Variants in MSANTD4 observed in about 807,000 individuals in gnomAD.
MSANTD4 encodes myb/SANT-like DNA-binding domain-containing protein 4.
A neutral mutation model predicts 34.3 loss-of-function variants in MSANTD4; 13 were observed. The ratio of observed to expected loss-of-function variants is 0.38; its 90% CI spans 0.25 to 0.60. The LOEUF (loss-of-function observed/expected upper bound fraction) is 0.60, where lower values mean the gene tolerates loss of function less well. Ranked by LOEUF, MSANTD4 falls within the 20% of genes least tolerant of loss-of-function variation. The pLI, the probability that MSANTD4 is intolerant of heterozygous loss-of-function variation, is 0.63. For synonymous variants in MSANTD4, 137 were observed against 145.2 expected (o/e 0.94, Z 0.41); for missense variants, 358 against 401.8 (o/e 0.89, Z 0.93).
chr11:106,008,864 T>C lies in MSANTD4; in HGVS notation c.*671A>G, dbSNP rs533290594. On this transcript the variant is annotated 3_prime_UTR_variant, in exon 3 of 3. Coordinates refer to ENST00000301919, the MANE Select transcript of MSANTD4 (RefSeq NM_032424.3). ...TTTCTGAATCTGAGAAGGCTATTTA[T>C]AGATGGAAACATGGGAATAAAATAC... is the stretch of plus-strand genomic sequence containing the variant. 1 of 152,332 alleles carries C rather than the reference T, an allele frequency of 6.6e-6. No individual in the cohort carries two copies. The highest frequency in any genetic ancestry group is 2.4e-5 in the African/African-American group (1 of 41,590). 9.4% of individuals were successfully genotyped at this position (152,332 alleles called of 1,614,324 possible).
At chr11:106,020,849 T>G (rs1025440553) in intron 1 of MSANTD4, 113 bp downstream of exon 1, 1 of 152,362 alleles carries the variant, frequency 6.6e-6, no homozygotes, top group African/African-American at 2.4e-5. Context: ...TACCCAGTCT[T>G]GGCTTAATTG....
intron 1 of MSANTD4, 120 bp from the exon 2 acceptor site, chr11:106,011,187 T>C: frequency 2.4e-6 from 1 of 419,462 alleles, no homozygotes; most frequent in Non-Finnish European, 4.1e-6. Context: ...TAGCTTAAAA[T>C]TGTGTACTTC....
intron 2 of MSANTD4, 84 bp downstream of exon 2, chr11:106,010,372 T>C (rs1175579964): frequency 2.2e-5 from 33 of 1,503,906 alleles, no homozygotes; most frequent in Non-Finnish European, 2.8e-5. Context: ...TTGAAAATCT[T>C]GGAATGTGTT....
At position 106,009,604 on chromosome 11, in the gene MSANTD4, C is replaced by A. The variant is rs942989605; in HGVS notation, c.969G>T (p.Gln323His). The change falls in exon 3 of 3, where the codon CAG becomes CAT. Residue 323 changes from glutamine to histidine, a missense_variant. By Grantham distance (24) the Gln-to-His change is conservative. Coordinates refer to ENST00000301919, the MANE Select transcript of MSANTD4 (RefSeq NM_032424.3). ...CTACCTGTAAGCGTTCCTTTTCAAT[C>A]TGCAGCTTCTCAGATTCAAACTTCA... The part of the protein sequence containing the change: ...QFLKFESEKL[Q>H]IEKERLQVEK... The A allele has an allele frequency of 6.2e-7, 1 of 1,614,198 alleles. No individual in the cohort carries two copies. The highest frequency in any genetic ancestry group is 8.5e-7 in the Non-Finnish European group (1 of 1,180,038).
intron 1 of MSANTD4, among the ~76,000 whole-genome samples, chr11:106,013,894 G>C (rs1859769886): frequency 6.6e-6 from 1 of 152,122 alleles, no homozygotes; most frequent in Admixed American, 6.5e-5. Flanking sequence ...GTGTTGCTAA[G>C]GTAAGTTTTG....
chr11:106,014,599 T>C (rs1051781467), intron 1 of MSANTD4, among the ~76,000 whole-genome samples: 15 of 152,248 alleles, frequency 9.9e-5, no homozygotes, highest in African/African-American at 3.6e-4. Context: ...TTTTCTATCA[T>C]CTTTTCTCTT....
intron 1 of MSANTD4, among the ~76,000 whole-genome samples, chr11:106,014,694 C>A (rs1165186119): frequency 6.6e-6 from 1 of 152,108 alleles, no homozygotes; most frequent in Non-Finnish European, 1.5e-5. Flanking sequence ...AACCTTTATG[C>A]ATTTTTCCTT....
rs536471941 is a variant in MSANTD4 at position 106,015,957 on chromosome 11, G to A, written c.-150-4890C>T. On this transcript the variant is annotated intron_variant, in intron 1 of 2. Transcript: ENST00000301919. Reference sequence around the variant, plus strand: ...TAATTCATTGCACCCTCAAACTCCTGAGCCCCAGTGATCTTCCCGCCTCAG... The same window carrying A: ...TAATTCATTGCACCCTCAAACTCCTAAGCCCCAGTGATCTTCCCGCCTCAG... 9.4e-4 allele frequency among the ~76,000 whole-genome samples: 143 copies of A among 152,224 alleles called. 3 individuals are homozygous for A. In the South Asian group the frequency reaches 0.021, roughly 23 times the overall value.
At chr11:106,013,698 T>C (rs1480250103) in intron 1 of MSANTD4, among the ~76,000 whole-genome samples, 1 of 152,094 alleles carries the variant, frequency 6.6e-6, no homozygotes, top group Non-Finnish European at 1.5e-5. Context: ...CCGTATCTAC[T>C]AAAAATACAA....
intron 1 of MSANTD4, among the ~76,000 whole-genome samples, 153 bp from the exon 2 acceptor site, chr11:106,011,220 T>C (rs148579349): frequency 1.9e-3 from 295 of 152,320 alleles, no homozygotes; most frequent in African/African-American, 6.7e-3. Context: ...AGTACTAACA[T>C]AGTCCAAATT....
intron 1 of MSANTD4, among the ~76,000 whole-genome samples, chr11:106,019,081 C>G (rs543279910): frequency 3.3e-5 from 5 of 152,258 alleles, no homozygotes; most frequent in Admixed American, 1.3e-4. Flanking sequence ...ATTGTAAACC[C>G]TATCTGAACC....
At chr11:106,010,306 T>A in intron 2 of MSANTD4, 150 bp downstream of exon 2, 3 of 1,313,028 alleles carry the variant, frequency 2.3e-6, no homozygotes, top group Non-Finnish European at 2.0e-6. Context: ...AAGAAAAGTA[T>A]TAACGATGTA....
rs1859597055 is a variant in MSANTD4, at chr11:106,008,712, A to T, written c.*823T>A. On this transcript the variant is annotated 3_prime_UTR_variant, in exon 3 of 3. Transcript: ENST00000301919. The stretch of plus-strand genomic sequence containing the variant: ...ATGACATTTTTGTACCCAAACTAAG[A>T]CAATGACTGAAAGAAAAGGAACTAA... 2 of 152,202 alleles carry T rather than the reference A, an allele frequency of 1.3e-5. No individual in the cohort carries two copies. The highest frequency in any genetic ancestry group is 4.1e-4 in the South Asian group (2 of 4,834). 9.4% of individuals were successfully genotyped at this position (152,202 alleles called of 1,614,324 possible).
At position 106,013,482 on chromosome 11, in the gene MSANTD4, T is replaced by G. The variant is rs190078374; in HGVS notation, c.-150-2415A>C. Among the ~76,000 whole-genome samples, 29 of 152,324 alleles carry G rather than the reference T, an allele frequency of 1.9e-4. No individual in the cohort carries two copies. The East Asian group carries it at 5.6e-3, about 29-fold the overall frequency. On this transcript the variant is annotated intron_variant, in intron 1 of 2. Transcript: ENST00000301919. Reference sequence around the variant, plus strand: ...TTAATTTGCCCACAACACAGCTAGTTAAATGGCAAGACTTACTACCACCAG... The same window carrying G: ...TTAATTTGCCCACAACACAGCTAGTGAAATGGCAAGACTTACTACCACCAG...
chr11:106,010,229 A>G, intron 2 of MSANTD4, 119 bp from the exon 3 acceptor site: 2 of 1,176,114 alleles, frequency 1.7e-6, no homozygotes, highest in Non-Finnish European at 2.3e-6. Flanking sequence ...TGAATTTTGA[A>G]TATCATTTAC....
intron 1 of MSANTD4, among the ~76,000 whole-genome samples, chr11:106,018,941 A>G (rs1185243030): frequency 6.6e-6 from 1 of 152,222 alleles, no homozygotes; most frequent in Admixed American, 6.5e-5. Context: ...AATCAGGAAC[A>G]TGCATTATTA....
intron 1 of MSANTD4, 58 bp downstream of exon 1, chr11:106,020,904 C>G (rs762761106): frequency 8.5e-5 from 13 of 152,118 alleles, no homozygotes; most frequent in Admixed American, 3.3e-4. Flanking sequence ...TGATTAAGTG[C>G]AAGAAAGTGC....
rs559442448 is a variant in MSANTD4 at position 106,014,313 on chromosome 11, C to T, written c.-150-3246G>A. The stretch of plus-strand genomic sequence containing the variant: ...TTCTGTTAGACCTATAAAGCCTCCC[C>T]GCTTTGTGTTTCCACTGCAGAGCCC... On this transcript the variant is annotated intron_variant, in intron 1 of 2. Coordinates refer to ENST00000301919, the MANE Select transcript of MSANTD4 (RefSeq NM_032424.3). 5.3e-5 allele frequency among the ~76,000 whole-genome samples: 8 copies of T among 152,280 alleles called. No homozygotes were observed. The South Asian group carries it at 1.5e-3, about 28-fold the overall frequency.
At chr11:106,020,257 A>C (rs895815756) in intron 1 of MSANTD4, among the ~76,000 whole-genome samples, 1 of 152,230 alleles carries the variant, frequency 6.6e-6, no homozygotes, top group African/African-American at 2.4e-5. Flanking sequence ...ACAGAAATAA[A>C]AGAAAGAAGT....
Sources: allele counts gnomAD v4.1 joint callset (sites outside exome capture counted in the v4.1 genomes callset), GRCh38; gene constraint gnomAD v4.1.1; transcripts MANE v1.5; gene names NCBI Gene and HGNC (gene_info 2026-07-23, HGNC 2026-07-21).